The following OGFRL1 variants were observed in gnomAD, a reference collection of about 807,000 sequenced individuals.
OGFRL1 encodes the protein opioid growth factor receptor-like protein 1.
A neutral mutation model predicts 32.4 loss-of-function variants in OGFRL1; 26 were observed. The ratio of observed to expected loss-of-function variants is 0.80; its 90% confidence interval spans 0.59 to 1.11. The LOEUF is 1.11. Ranked by LOEUF, OGFRL1 falls within the 50% of genes most tolerant of loss-of-function variation. The pLI, the probability that OGFRL1 is intolerant of heterozygous loss-of-function variation, is 0.00. For synonymous variants in OGFRL1, 211 were observed against 201.2 expected (o/e 1.05, Z -0.41); for missense variants, 521 against 546.4 (o/e 0.95, Z 0.46).
rs1766607342 is a variant in OGFRL1, at chr6:71,307,987, C to T, written c.*5938C>T. 6.6e-6 allele frequency: 1 copy of T among 152,158 alleles called. No homozygotes were observed. The highest frequency in any genetic ancestry group is 2.4e-5 in the African/African-American group (1 of 41,448). 9.4% of individuals were successfully genotyped at this position (152,158 alleles called of 1,614,324 possible). ...TGTGGGGACATGCTTTAAGAATCAG[C>T]TCTGTATTTGTGCCAAGGAGATCAG... On this transcript the variant is annotated 3_prime_UTR_variant, in exon 7 of 7. Coordinates refer to ENST00000370435, the MANE Select transcript of OGFRL1 (RefSeq NM_024576.5).
At chr6:71,297,563 A>G (rs1038197732) in intron 6 of OGFRL1, among the ~76,000 whole-genome samples, 14 of 152,050 alleles carry the variant, frequency 9.2e-5, no homozygotes, top group African/African-American at 3.1e-4. Flanking sequence ...ATTTAAACTA[A>G]TCATAGTTGA....
chr6:71,302,149 C>A lies in OGFRL1; in HGVS notation c.*100C>A. ...GATGAGGTCAATTTCAAATTTTAGC[C>A]ATCTGTTTGTGATTTCTGTCATAAG... On this transcript the variant is annotated 3_prime_UTR_variant, in exon 7 of 7. Coordinates refer to ENST00000370435, the MANE Select transcript of OGFRL1 (RefSeq NM_024576.5). The A allele has an allele frequency of 9.4e-7, 1 of 1,065,836 alleles. No homozygotes were observed. The highest frequency in any genetic ancestry group is 1.3e-6 in the Non-Finnish European group (1 of 780,448). The allele number at this position is 1,065,836 out of a possible 1,614,324, so 66.0% of individuals were successfully genotyped here. A position where few individuals can be genotyped will look rare whatever the true frequency, so the allele number is the denominator to read the frequency against.
Position 71,308,358 on chromosome 6 carries a change from G to A in OGFRL1, c.*6309G>A, listed in dbSNP as rs1766617150. On this transcript the variant is annotated 3_prime_UTR_variant, in exon 7 of 7. Transcript: ENST00000370435. ...GCATTTTCCTCCTGTTTTTAAAAAGGGCTTTAAGTTGTTTCCTATGTAAGG... is the reference window on the plus strand; with the variant it reads ...GCATTTTCCTCCTGTTTTTAAAAAGAGCTTTAAGTTGTTTCCTATGTAAGG... 6.6e-6 allele frequency: 1 copy of A among 152,158 alleles called. No homozygotes were observed. The highest frequency in any genetic ancestry group is 2.4e-5 in the African/African-American group (1 of 41,420). The allele number at this position is 152,158 out of a possible 1,614,324, so 9.4% of individuals were successfully genotyped here. A position where few individuals can be genotyped will look rare whatever the true frequency, so the allele number is the denominator to read the frequency against.
At position 71,294,664 on chromosome 6, in the gene OGFRL1, G is replaced by A. The variant is rs1582552494; in HGVS notation, c.400+1053G>A. Among the ~76,000 whole-genome samples the A allele has an allele frequency of 3.9e-5, 6 of 152,190 alleles. No individual in the cohort carries two copies. In the South Asian group the frequency reaches 6.2e-4, roughly 16 times the overall value. On this transcript the variant is annotated intron_variant, in intron 3 of 6. Coordinates refer to ENST00000370435, the MANE Select transcript of OGFRL1 (RefSeq NM_024576.5). ...CTTTCTGGTGTCCTGAAAGTCTGCTGTGATGTGGAATGAAACCTCTGGATA... is the reference window on the plus strand; with the variant it reads ...CTTTCTGGTGTCCTGAAAGTCTGCTATGATGTGGAATGAAACCTCTGGATA...
Position 71,301,911 on chromosome 6 carries a change from A to G in OGFRL1, c.1218A>G (p.Gln406=), listed in dbSNP as rs1442303406. The G allele has an allele frequency of 4.3e-6, 7 of 1,613,868 alleles. No individual in the cohort carries two copies. The highest frequency in any genetic ancestry group is 1.3e-5 in the African/African-American group (1 of 74,918). The part of the protein sequence containing the change: ...KDSNAENMNS[Q]PEKTVTTPTE... The stretch of plus-strand genomic sequence containing the variant: ...GTAATGCTGAGAACATGAATTCTCA[A>G]CCTGAGAAAACAGTTACTACTCCCA... The change falls in exon 7 of 7, where the codon CAA becomes CAG. Residue 406 remains glutamine (Q), a synonymous_variant. Coordinates refer to ENST00000370435, the MANE Select transcript of OGFRL1 (RefSeq NM_024576.5).
chr6:71,302,237 A>G lies in OGFRL1; in HGVS notation c.*188A>G, dbSNP rs1582562398. ...AATTGAATATCTAATAAGGAGATTT[A>G]AGATAAGACCCAATAAATGAATGTA... On this transcript the variant is annotated 3_prime_UTR_variant, in exon 7 of 7. Coordinates refer to ENST00000370435, the MANE Select transcript of OGFRL1 (RefSeq NM_024576.5). 2.2e-6 allele frequency: 1 copy of G among 445,196 alleles called. No homozygotes were observed. Among genetic ancestry groups the G allele is most frequent in the Non-Finnish European group, 3.9e-6 (1 of 259,334 alleles). 27.6% of individuals were successfully genotyped at this position (445,196 alleles called of 1,614,324 possible). A position where few individuals can be genotyped will look rare whatever the true frequency, so the allele number is the denominator to read the frequency against.
In OGFRL1 at chr6:71,307,496, C is replaced by T. The variant is rs1766588613; in HGVS notation, c.*5447C>T. The T allele has an allele frequency of 6.6e-6, 1 of 151,870 alleles. No homozygotes were observed. The highest frequency in any genetic ancestry group is 1.5e-5 in the Non-Finnish European group (1 of 67,966). The allele number at this position is 151,870 out of a possible 1,614,324, so 9.4% of individuals were successfully genotyped here. A position where few individuals can be genotyped will look rare whatever the true frequency, so the allele number is the denominator to read the frequency against. ...AATCATTGAAATATGAGTTTTTTTC[C>T]CTCACTCCTATTTATTTAATTAAAA... On this transcript the variant is annotated 3_prime_UTR_variant, in exon 7 of 7. Coordinates refer to ENST00000370435, the MANE Select transcript of OGFRL1 (RefSeq NM_024576.5).
At position 71,305,098 on chromosome 6, in the gene OGFRL1, C is replaced by T. The variant is rs935726276; in HGVS notation, c.*3049C>T. On this transcript the variant is annotated 3_prime_UTR_variant, in exon 7 of 7. Transcript: ENST00000370435. Reference sequence around the variant, plus strand: ...TATAAAAAATGCAGTGAAGCATGACCAAATAGCTAAAAATATTACTGAATC... The same window carrying T: ...TATAAAAAATGCAGTGAAGCATGACTAAATAGCTAAAAATATTACTGAATC... The T allele has an allele frequency of 2.0e-5, 3 of 151,962 alleles. No homozygotes were observed. The highest frequency in any genetic ancestry group is 2.0e-4 in the Admixed American group (3 of 15,244). The allele number at this position is 151,962 out of a possible 1,614,324, so 9.4% of individuals were successfully genotyped here.
At chr6:71,296,853 A>G (rs779991116) in intron 6 of OGFRL1, 36 bp downstream of exon 6, 1 of 1,588,488 alleles carries the variant, frequency 6.3e-7, no homozygotes, top group Admixed American at 1.9e-5. Flanking sequence ...AGGGGCCAGC[A>G]CAGTTATTTT....
chr6:71,299,584 G>C (rs1054321897), intron 6 of OGFRL1, among the ~76,000 whole-genome samples: 3 of 152,190 alleles, frequency 2.0e-5, no homozygotes, highest in African/African-American at 7.2e-5. Flanking sequence ...TTTAGTCATA[G>C]AGCTCCTCTT....
chr6:71,292,155 G>GT (rs1273057042), intron 1 of OGFRL1: 1 of 152,190 alleles, frequency 6.6e-6, no homozygotes, highest in Admixed American at 6.5e-5. Context: ...TCATATGGTT[G>GT]TATCTCAGGC....
chr6:71,293,660 C>G, intron 3 of OGFRL1, 49 bp downstream of exon 3: 4 of 1,200,396 alleles, frequency 3.3e-6, no homozygotes, highest in Non-Finnish European at 4.9e-6. Context: ...ATCACATACA[C>G]TTGGTTATTC....
Position 71,301,476 on chromosome 6 carries a change from T to G in OGFRL1, c.783T>G (p.Phe261Leu). The G allele has an allele frequency of 6.2e-7, 1 of 1,613,156 alleles. No homozygotes were observed. Among genetic ancestry groups the G allele is most frequent in the Non-Finnish European group, 8.5e-7 (1 of 1,179,742 alleles). Reference protein sequence around the residue: ...YESFKSPLVKFILHEALVENT... With the variant: ...YESFKSPLVKLILHEALVENT... ...GTTTTAAATCTCCTCTTGTAAAATT[T>G]ATTCTTCATGAAGCTCTTGTGGAGA... Residue 261 changes from phenylalanine (F) to leucine (L), a missense_variant, in exon 7 of 7, where the codon TTT becomes TTG. Transcript: ENST00000370435.
At chr6:71,292,579 T>C (rs1582550198) in intron 1 of OGFRL1, among the ~76,000 whole-genome samples, 1 of 152,370 alleles carries the variant, frequency 6.6e-6, no homozygotes, top group East Asian at 1.9e-4. Context: ...ATAGGAATTT[T>C]ACTTAAGAGT....
intron 1 of OGFRL1, among the ~76,000 whole-genome samples, chr6:71,290,917 A>C (rs1212865200): frequency 6.6e-6 from 1 of 152,220 alleles, no homozygotes; most frequent in Non-Finnish European, 1.5e-5. Context: ...GTTGTTGGGT[A>C]GTTAATCATT....
chr6:71,306,893 T>C lies in OGFRL1; in HGVS notation c.*4844T>C, dbSNP rs898301446. 6.6e-6 allele frequency: 1 copy of C among 152,260 alleles called. No homozygotes were observed. The highest frequency in any genetic ancestry group is 1.5e-5 in the Non-Finnish European group (1 of 68,042). The allele number at this position is 152,260 out of a possible 1,614,324, so 9.4% of individuals were successfully genotyped here. A position where few individuals can be genotyped will look rare whatever the true frequency, so the allele number is the denominator to read the frequency against. ...TATGTTAGAGAAATTATTAAAAGTT[T>C]AATTCCAGTAGGCAGTTGGAGAAAT... is the stretch of plus-strand genomic sequence containing the variant. On this transcript the variant is annotated 3_prime_UTR_variant, in exon 7 of 7. Transcript: ENST00000370435.
chr6:71,296,298 T>G lies in OGFRL1; in HGVS notation c.401-19T>G. The G allele has an allele frequency of 6.7e-7, 1 of 1,493,972 alleles. No homozygotes were observed. 92.5% of individuals were successfully genotyped at this position (1,493,972 alleles called of 1,614,324 possible). A position where few individuals can be genotyped will look rare whatever the true frequency, so the allele number is the denominator to read the frequency against. Reference sequence around the variant, plus strand: ...AATGTTTGAAATGTCTGGTTCATTTTTAAATATTTACTATTTAGGTGTTTA... The same window carrying G: ...AATGTTTGAAATGTCTGGTTCATTTGTAAATATTTACTATTTAGGTGTTTA... On this transcript the variant is annotated intron_variant, in intron 3 of 6. Transcript: ENST00000370435.
At chr6:71,296,965 T>G (rs1244185656) in intron 6 of OGFRL1, 148 bp downstream of exon 6, 3 of 842,574 alleles carry the variant, frequency 3.6e-6, no homozygotes, top group Non-Finnish European at 5.3e-6. Flanking sequence ...TACATTCCTG[T>G]ACCACATTCT....
chr6:71,288,946 C>T lies in OGFRL1; in HGVS notation c.10C>T (p.Leu4=), dbSNP rs769719991. MGN[L]LGGVSFREPT... Reference sequence around the variant, plus strand: ...CGCCGCCGCCTCTTCAATGGGCAACCTGCTCGGCGGGGTCAGCTTCCGCGA... The same window carrying T: ...CGCCGCCGCCTCTTCAATGGGCAACTTGCTCGGCGGGGTCAGCTTCCGCGA... The change falls in exon 1 of 7, where the codon CTG becomes TTG. Residue 4 remains leucine (L), a synonymous_variant. Coordinates refer to ENST00000370435, the MANE Select transcript of OGFRL1 (RefSeq NM_024576.5). 96 of 1,374,206 alleles carry T rather than the reference C, an allele frequency of 7.0e-5. No homozygotes were observed. The highest frequency in any genetic ancestry group is 8.5e-5 in the Non-Finnish European group (89 of 1,048,058). The allele number at this position is 1,374,206 out of a possible 1,614,324, so 85.1% of individuals were successfully genotyped here.
Sources: gnomAD v4.1 joint callset for allele counts (sites outside exome capture counted in the v4.1 genomes callset) on GRCh38, gnomAD v4.1.1 for gene constraint, MANE v1.5 for transcripts, NCBI Gene and HGNC (gene_info 2026-07-23, HGNC 2026-07-21) for gene names.